The following BCKDHB variants were observed in gnomAD, a reference collection of about 807,000 sequenced individuals.
The protein encoded by BCKDHB is 2-oxoisovalerate dehydrogenase subunit beta, mitochondrial.
In BCKDHB, 41 loss-of-function variants were observed where a neutral mutation model predicts 48.5. The ratio of observed to expected loss-of-function variants is 0.85; its 90% CI spans 0.66 to 1.10. BCKDHB has a LOEUF of 1.10. Ranked by LOEUF, BCKDHB falls within the 50% of genes least tolerant of loss-of-function variation. The pLI is 0.00. For synonymous variants in BCKDHB, 201 were observed against 174.8 expected, an observed-to-expected ratio of 1.15 and a Z score of -1.18; for missense variants, 496 against 494.2, an observed-to-expected ratio of 1.00 and a Z score of -0.03.
intron 3 of BCKDHB, among the ~76,000 whole-genome samples, chr6:80,159,228 C>T (rs1772197048): frequency 6.6e-6 from 1 of 152,000 alleles, no homozygotes; most frequent in African/African-American, 2.4e-5. Context: ...CAGCATGGCA[C>T]ATGTATACAT....
chr6:80,126,172 G>T (rs1770330054), intron 1 of BCKDHB, among the ~76,000 whole-genome samples: 1 of 152,146 alleles, frequency 6.6e-6, no homozygotes, highest in South Asian at 2.1e-4. Context: ...ATGATTGTGG[G>T]CACAGAGGGC....
At chr6:80,208,825 T>C (rs1774788045) in intron 8 of BCKDHB, among the ~76,000 whole-genome samples, 1 of 151,878 alleles carries the variant, frequency 6.6e-6, no homozygotes, top group Non-Finnish European at 1.5e-5. Context: ...AATGGCTTTA[T>C]TGGTGAATTC....
Position 80,266,889 on chromosome 6 carries a change from G to T in BCKDHB, c.952-6246G>T, listed in dbSNP as rs189718389. Among the ~76,000 whole-genome samples the T allele has an allele frequency of 5.9e-5, 9 of 152,066 alleles. No homozygotes were observed. In the East Asian group the frequency reaches 7.7e-4, roughly 13 times the overall value. On this transcript the variant is annotated intron_variant, in intron 8 of 9. Coordinates refer to ENST00000320393, the MANE Select transcript of BCKDHB (RefSeq NM_183050.4). ...TTTATTGAGCGGCCACATATACAAT[G>T]TATTAGGTATTCTAGTTAGGTACAG...
At chr6:80,235,238 G>T (rs962629172) in intron 8 of BCKDHB, among the ~76,000 whole-genome samples, 11 of 152,194 alleles carry the variant, frequency 7.2e-5, no homozygotes, top group African/African-American at 2.7e-4. Flanking sequence ...AGTATGCACT[G>T]TATGCATGTA....
intron 8 of BCKDHB, among the ~76,000 whole-genome samples, chr6:80,240,626 C>T (rs1776344530): frequency 6.6e-6 from 1 of 152,216 alleles, no homozygotes. Context: ...GACAATTTGA[C>T]TTCCTCATTT....
At chr6:80,276,743 T>C (rs776961244) in intron 9 of BCKDHB, among the ~76,000 whole-genome samples, 2 of 151,932 alleles carry the variant, frequency 1.3e-5, no homozygotes. Context: ...CAGTCTTAGT[T>C]TGAAATAATG....
At chr6:80,398,773 G>A in the BCKDHB span, among the ~76,000 whole-genome samples, 3 of 151,360 alleles carry the variant, frequency 2.0e-5, no homozygotes, top group Non-Finnish European at 4.4e-5. Context: ...CCAAAACCTG[G>A]CAGAGATACA....
At chr6:80,258,451 C>G (rs1452726807) in intron 8 of BCKDHB, among the ~76,000 whole-genome samples, 4 of 152,226 alleles carry the variant, frequency 2.6e-5, no homozygotes, top group Non-Finnish European at 4.4e-5. Flanking sequence ...AAGCATCAAC[C>G]TTATAAACAT....
chr6:80,194,863 C>T (rs1373754081), intron 6 of BCKDHB, among the ~76,000 whole-genome samples: 2 of 152,128 alleles, frequency 1.3e-5, no homozygotes, highest in Non-Finnish European at 2.9e-5. Flanking sequence ...TTTGATCTCT[C>T]ACTTCTTTGC....
At chr6:80,363,854 C>T in the BCKDHB span, among the ~76,000 whole-genome samples, 1 of 152,144 alleles carries the variant, frequency 6.6e-6, no homozygotes, top group African/African-American at 2.4e-5. Flanking sequence ...GTTAATATGG[C>T]AAAAATTACG....
chr6:80,361,409 A>G, the BCKDHB span, among the ~76,000 whole-genome samples: 1 of 152,206 alleles, frequency 6.6e-6, no homozygotes, highest in Non-Finnish European at 1.5e-5. Context: ...AGTAGAGTAC[A>G]TTTGACAGGT....
the BCKDHB span, among the ~76,000 whole-genome samples, chr6:80,427,515 G>T: frequency 6.6e-6 from 1 of 151,992 alleles, no homozygotes; most frequent in Non-Finnish European, 1.5e-5. Flanking sequence ...AATTTTAAAA[G>T]ACTTTACATT....
At chr6:80,275,220 G>A (rs1287659249) in intron 9 of BCKDHB, among the ~76,000 whole-genome samples, 1 of 152,004 alleles carries the variant, frequency 6.6e-6, no homozygotes, top group African/African-American at 2.4e-5. Context: ...GTCATCCAGA[G>A]TGTTTGTGAC....
At chr6:80,340,771 T>TCTGTG (rs543851880) in intron 9 of BCKDHB, among the ~76,000 whole-genome samples, 1 of 149,410 alleles carries the variant, frequency 6.7e-6, no homozygotes, top group African/African-American at 2.4e-5. Flanking sequence ...GGTATTTTTT[T>TCTGTG]TCTGTGTGTG....
chr6:80,204,465 A>G (rs1354887397), intron 8 of BCKDHB, among the ~76,000 whole-genome samples: 1 of 152,096 alleles, frequency 6.6e-6, no homozygotes, highest in Non-Finnish European at 1.5e-5. Context: ...GTTTTCTTTC[A>G]AATAGCCAGA....
the BCKDHB span, among the ~76,000 whole-genome samples, chr6:80,400,363 A>G: frequency 6.6e-6 from 1 of 152,020 alleles, no homozygotes; most frequent in Non-Finnish European, 1.5e-5. Context: ...AAAAACTTAA[A>G]TTTACAAAAA....
At chr6:80,268,726 A>G (rs1777614443) in intron 8 of BCKDHB, among the ~76,000 whole-genome samples, 1 of 152,144 alleles carries the variant, frequency 6.6e-6, no homozygotes, top group Non-Finnish European at 1.5e-5. Flanking sequence ...TTCTCCTAGA[A>G]TAACAACTTA....
intron 9 of BCKDHB, among the ~76,000 whole-genome samples, chr6:80,300,065 T>C (rs1767500529): frequency 6.6e-6 from 1 of 152,026 alleles, no homozygotes; most frequent in South Asian, 2.1e-4. Context: ...TTTTTTTTTT[T>C]TTAAAGACAG....
the BCKDHB span, among the ~76,000 whole-genome samples, chr6:80,430,155 G>A: frequency 1.3e-5 from 2 of 152,150 alleles, no homozygotes; most frequent in African/African-American, 4.8e-5. Context: ...TTGTTTACAC[G>A]ATAGATTACG....
Sources: allele counts gnomAD v4.1 joint callset (sites outside exome capture counted in the v4.1 genomes callset), GRCh38; gene constraint gnomAD v4.1.1; transcripts MANE v1.5; gene names NCBI Gene and HGNC (gene_info 2026-07-23, HGNC 2026-07-21).